The following MAJIN variants were observed in gnomAD, a reference collection of about 807,000 sequenced individuals.
MAJIN encodes the protein membrane-anchored junction protein.
Under a neutral mutation model 30.2 loss-of-function variants are expected in MAJIN, and 27 were observed. That is an observed-to-expected ratio of 0.89 (90% CI 0.66 to 1.23). The LOEUF is 1.23. Among genes scored for constraint, MAJIN ranks in the 50% most tolerant of loss-of-function variants. The pLI is 0.00. For synonymous variants in MAJIN, 78 were observed against 91.6 expected, an observed-to-expected ratio of 0.85 and a Z score of 0.85; for missense variants, 253 against 260.3, an observed-to-expected ratio of 0.97 and a Z score of 0.19.
chr11:64,963,626 T>C (rs1443943616), intron 1 of MAJIN, among the ~76,000 whole-genome samples: 2 of 152,104 alleles, frequency 1.3e-5, no homozygotes, highest in Admixed American at 6.6e-5. Context: ...TCACCTGAGG[T>C]CGGGAGTTTG....
Position 64,963,394 on chromosome 11 carries a change from G to A in MAJIN, c.-64-3259C>T, listed in dbSNP as rs548033195. Among the ~76,000 whole-genome samples the A allele has an allele frequency of 9.2e-5, 14 of 152,282 alleles. 1 individual carries two copies. In the South Asian group the frequency reaches 2.9e-3, roughly 32 times the overall value. Reference sequence around the variant, plus strand: ...ATCAGTGCATAGAACCTGAAGCAGGGCCAAATGCTATATGAGGATAATAAT... The same window carrying A: ...ATCAGTGCATAGAACCTGAAGCAGGACCAAATGCTATATGAGGATAATAAT... On this transcript the variant is annotated intron_variant, in intron 1 of 10. Transcript: ENST00000301896.
chr11:64,962,394 CA>C (rs2136808344), intron 1 of MAJIN, among the ~76,000 whole-genome samples: 1 of 152,282 alleles, frequency 6.6e-6, no homozygotes, highest in African/African-American at 2.4e-5. Flanking sequence ...TCAAATATTT[CA>C]CAGGGTTATT....
At chr11:64,948,495 T>A (rs557072276) in intron 6 of MAJIN, among the ~76,000 whole-genome samples, 2 of 148,288 alleles carry the variant, frequency 1.3e-5, no homozygotes, top group African/African-American at 5.0e-5. Flanking sequence ...AGTGGTGTGA[T>A]CTTGGCTCAC....
intron 1 of MAJIN, among the ~76,000 whole-genome samples, chr11:64,961,576 C>T (rs1162373554): frequency 1.4e-5 from 2 of 145,306 alleles, no homozygotes; most frequent in Admixed American, 7.0e-5. Context: ...CCCAGGTTCA[C>T]GCCATTCTCC....
At chr11:64,956,534 CAA>C (rs1046324423) in intron 3 of MAJIN, among the ~76,000 whole-genome samples, 3 of 151,618 alleles carry the variant, frequency 2.0e-5, no homozygotes, top group African/African-American at 2.4e-5. Context: ...AATATTCATT[CAA>C]AGAACAACAA....
chr11:64,942,363 T>C (rs1945392260), intron 8 of MAJIN, among the ~76,000 whole-genome samples: 1 of 152,034 alleles, frequency 6.6e-6, no homozygotes, highest in Non-Finnish European at 1.5e-5. Context: ...ATTTCTGAGA[T>C]TTTGGTGCAC....
chr11:64,957,269 G>A (rs1375466123), intron 3 of MAJIN, among the ~76,000 whole-genome samples: 1 of 151,356 alleles, frequency 6.6e-6, no homozygotes, highest in African/African-American at 2.4e-5. Flanking sequence ...TTGTAGAGAT[G>A]GGGTCTCACT....
chr11:64,959,349 T>C lies in MAJIN; in HGVS notation c.57A>G (p.Gly19=). The C allele has an allele frequency of 6.2e-7, 1 of 1,614,026 alleles. No individual in the cohort carries two copies. The highest frequency in any genetic ancestry group is 1.1e-5 in the South Asian group (1 of 91,076). ...PFPETRFLHA[G]PNVYKFKIRY... ...TGATTTTGAATTTATACACATTGGG[T>C]CCTGCATGAAGAAACCTCGTCTCTG... Residue 19 remains glycine, a synonymous_variant, in exon 3 of 11, where the codon GGA becomes GGG. Transcript: ENST00000301896.
intron 4 of MAJIN, 167 bp downstream of exon 4, chr11:64,954,590 A>C (rs1174269130): frequency 2.7e-6 from 2 of 732,826 alleles, no homozygotes; most frequent in Non-Finnish European, 4.9e-6. Context: ...ACAGGCTTTA[A>C]ATTCCCATGG....
chr11:64,964,234 G>A (rs1481514720), intron 1 of MAJIN, among the ~76,000 whole-genome samples: 4 of 152,104 alleles, frequency 2.6e-5, no homozygotes, highest in East Asian at 1.9e-4. Context: ...GTGAGCCACC[G>A]CACCCAGCCT....
chr11:64,971,262 T>TA (rs1309912427), intron 1 of MAJIN, among the ~76,000 whole-genome samples: 1 of 150,378 alleles, frequency 6.6e-6, no homozygotes, highest in Non-Finnish European at 1.5e-5. Flanking sequence ...ACCCCATCTC[T>TA]ACAAAAATAC....
chr11:64,950,213 C>T, intron 5 of MAJIN, 142 bp downstream of exon 5: 1 of 731,456 alleles, frequency 1.4e-6, no homozygotes, highest in Admixed American at 3.0e-5. Context: ...GCCTGTAATC[C>T]CAGCTACTGG....
At chr11:64,957,235 T>G (rs958456725) in intron 3 of MAJIN, among the ~76,000 whole-genome samples, 17 of 151,966 alleles carry the variant, frequency 1.1e-4, no homozygotes, top group African/African-American at 3.9e-4. Flanking sequence ...CAAACCACCA[T>G]GTCCAGCTAA....
intron 3 of MAJIN, among the ~76,000 whole-genome samples, chr11:64,958,749 A>G (rs1011252775): frequency 1.3e-5 from 2 of 152,076 alleles, no homozygotes; most frequent in Non-Finnish European, 2.9e-5. Context: ...CCCAGGTTCA[A>G]GCAATTCTCC....
In MAJIN at chr11:64,947,857, ACTTTTTTTT is replaced by A. The variant is rs770938997; in HGVS notation, c.350-47_350-39del. On this transcript the variant is annotated intron_variant, in intron 6 of 10. Transcript: ENST00000301896. Reference sequence around the variant, plus strand: ...ATTTGAGTGTCATAATAGATTTAAGACTTTTTTTTTTTTTTTTTTGGAGATTAAGTCTCT... The same window carrying A: ...ATTTGAGTGTCATAATAGATTTAAGATTTTTTTTTTGGAGATTAAGTCTCT... The A allele has an allele frequency of 2.1e-6, 3 of 1,399,876 alleles. No homozygotes were observed. The African/African-American group carries it at 4.7e-5, about 22-fold the overall frequency. The allele number at this position is 1,399,876 out of a possible 1,614,324, so 86.7% of individuals were successfully genotyped here.
chr11:64,948,640 T>TATATATATATA (rs869204077), intron 6 of MAJIN, among the ~76,000 whole-genome samples: 37 of 7,530 alleles, frequency 4.9e-3, no homozygotes, highest in Admixed American at 0.013. Flanking sequence ...TATATATATA[T>TATATATATATA]TTTTTTTTTT....
chr11:64,961,463 G>C (rs1469065085), intron 1 of MAJIN, among the ~76,000 whole-genome samples: 1 of 139,754 alleles, frequency 7.2e-6, no homozygotes, highest in Non-Finnish European at 1.5e-5. Flanking sequence ...CACTGTGCCC[G>C]GCAATTTTTT....
At position 64,945,106 on chromosome 11, in the gene MAJIN, C is replaced by T. The variant is rs9667954; in HGVS notation, c.473+2268G>A. 2.7e-3 allele frequency among the ~76,000 whole-genome samples: 414 copies of T among 152,148 alleles called. 1 individual carries two copies. Among genetic ancestry groups the T allele is most frequent in the African/African-American group, 9.4e-3 (392 of 41,514 alleles). Reference sequence around the variant, plus strand: ...GGCTCGGTGGCTCACGCCTGTAATCCCAGCACTTTGGGAGGCCGAGGCGGG... The same window carrying T: ...GGCTCGGTGGCTCACGCCTGTAATCTCAGCACTTTGGGAGGCCGAGGCGGG... On this transcript the variant is annotated intron_variant, in intron 8 of 10. Transcript: ENST00000301896.
At chr11:64,966,129 G>A (rs1005973270) in intron 1 of MAJIN, among the ~76,000 whole-genome samples, 3 of 57,246 alleles carry the variant, frequency 5.2e-5, no homozygotes, top group African/African-American at 1.8e-4. Context: ...TACATGTAAG[G>A]AAGAAGATTA....
Sources: allele counts gnomAD v4.1 joint callset (sites outside exome capture counted in the v4.1 genomes callset), GRCh38; gene constraint gnomAD v4.1.1; transcripts MANE v1.5; gene names NCBI Gene and HGNC (gene_info 2026-07-23, HGNC 2026-07-21).